Variants in DLC1 observed in about 807,000 individuals in gnomAD.
DLC1 encodes the protein DLC1 Rho GTPase activating protein.
DLC1 carries 54 observed loss-of-function variants against 140.3 expected under a neutral mutation model. The observed-to-expected ratio is 0.38, with a 90% CI of 0.31 to 0.48. The LOEUF (loss-of-function observed/expected upper bound fraction) is 0.48, where lower values mean the gene tolerates loss of function less well. Among genes scored for constraint, DLC1 ranks in the 20% least tolerant of loss-of-function variants. The pLI, the probability that DLC1 is intolerant of heterozygous loss-of-function variation, is 0.96. For synonymous variants in DLC1, 986 were observed against 728.1 expected (o/e 1.35, Z -5.70); for missense variants, 2,536 against 1,907.0 (o/e 1.33, Z -6.14).
chr8:13,464,030 C>T (rs1157374564), intron 2 of DLC1, among the ~76,000 whole-genome samples: 1 of 152,124 alleles, frequency 6.6e-6, no homozygotes, highest in African/African-American at 2.4e-5. Flanking sequence ...AGGAAAGACT[C>T]AAGATATAGG....
At chr8:13,581,713 A>T (rs1805105422) in intron 1 of DLC1, among the ~76,000 whole-genome samples, 1 of 152,204 alleles carries the variant, frequency 6.6e-6, no homozygotes, top group Non-Finnish European at 1.5e-5. Flanking sequence ...GCATCAGATT[A>T]CTGGGCAGAA....
At chr8:13,486,550 C>T (rs191358115) in intron 2 of DLC1, among the ~76,000 whole-genome samples, 6 of 152,230 alleles carry the variant, frequency 3.9e-5, no homozygotes, top group African/African-American at 7.2e-5. Flanking sequence ...ACTGGTACCA[C>T]GACATACCAC....
intron 2 of DLC1, among the ~76,000 whole-genome samples, chr8:13,467,462 T>TTC (rs1799992358): frequency 6.6e-6 from 1 of 151,828 alleles, no homozygotes. Flanking sequence ...CCTTTTTTTT[T>TTC]CTTTTTAATG....
chr8:13,104,913 G>T (rs570445922), intron 7 of DLC1, among the ~76,000 whole-genome samples: 1 of 152,170 alleles, frequency 6.6e-6, no homozygotes, highest in African/African-American at 2.4e-5. Flanking sequence ...CTCTATTGGG[G>T]GTATCAATTA....
chr8:13,456,279 T>C (rs1269987047), intron 2 of DLC1, among the ~76,000 whole-genome samples: 1 of 152,182 alleles, frequency 6.6e-6, no homozygotes, highest in Non-Finnish European at 1.5e-5. Context: ...TCAATTATTT[T>C]TGCTTTCACA....
intron 5 of DLC1, among the ~76,000 whole-genome samples, chr8:13,234,054 A>C (rs965056133): frequency 6.6e-6 from 1 of 152,140 alleles, no homozygotes. Context: ...TGAACTATCT[A>C]GTGTCTTGTT....
At chr8:13,271,586 T>C (rs976641715) in intron 5 of DLC1, among the ~76,000 whole-genome samples, 2 of 152,250 alleles carry the variant, frequency 1.3e-5, no homozygotes, top group African/African-American at 4.8e-5. Context: ...TTATTTTATG[T>C]CTGTTGACTC....
chr8:13,479,290 A>G (rs1300671358), intron 2 of DLC1, among the ~76,000 whole-genome samples: 1 of 152,244 alleles, frequency 6.6e-6, no homozygotes, highest in Non-Finnish European at 1.5e-5. Context: ...GAATAATAAA[A>G]TGGATATATC....
intron 1 of DLC1, among the ~76,000 whole-genome samples, chr8:13,584,815 C>A (rs750826351): frequency 1.3e-5 from 2 of 152,162 alleles, no homozygotes; most frequent in Non-Finnish European, 2.9e-5. Context: ...CACCCAGGCT[C>A]TTCCTACCCA....
At chr8:13,391,353 C>G (rs1262125672) in intron 4 of DLC1, among the ~76,000 whole-genome samples, 1 of 152,180 alleles carries the variant, frequency 6.6e-6, no homozygotes, top group Admixed American at 6.5e-5. Context: ...TGACAAGTCA[C>G]ACCTGAACAG....
At chr8:13,564,690 AT>A (rs1440973876) in intron 1 of DLC1, among the ~76,000 whole-genome samples, 4 of 152,176 alleles carry the variant, frequency 2.6e-5, no homozygotes, top group Non-Finnish European at 4.4e-5. Flanking sequence ...GGAATCATGA[AT>A]TTGTTTTGAC....
intron 2 of DLC1, among the ~76,000 whole-genome samples, chr8:13,445,059 G>T (rs1329521381): frequency 6.6e-6 from 1 of 152,068 alleles, no homozygotes; most frequent in Non-Finnish European, 1.5e-5. Flanking sequence ...GAGGGAAGCA[G>T]AGAGACACAG....
chr8:13,316,517 T>C (rs1418767085), intron 4 of DLC1, among the ~76,000 whole-genome samples: 1 of 152,178 alleles, frequency 6.6e-6, no homozygotes, highest in African/African-American at 2.4e-5. Context: ...ACGCTTTATA[T>C]GGATTCCATC....
intron 5 of DLC1, among the ~76,000 whole-genome samples, chr8:13,159,856 T>TA (rs1563121960): frequency 5.7e-4 from 82 of 144,052 alleles, no homozygotes; most frequent in African/African-American, 1.9e-3. Flanking sequence ...AAACCTGGTT[T>TA]GAAAAAAAAA....
chr8:13,294,818 T>C (rs113830512), intron 5 of DLC1, among the ~76,000 whole-genome samples: 14 of 152,282 alleles, frequency 9.2e-5, no homozygotes, highest in African/African-American at 3.1e-4. Context: ...AGTGTGACTT[T>C]GGGTATCTTA....
chr8:13,264,640 G>A (rs377371520), intron 5 of DLC1, among the ~76,000 whole-genome samples: 2 of 152,256 alleles, frequency 1.3e-5, no homozygotes, highest in South Asian at 4.1e-4. Context: ...ACACGGGGCT[G>A]TAACAGCAAC....
intron 2 of DLC1, among the ~76,000 whole-genome samples, chr8:13,442,706 C>T (rs1397228889): frequency 6.6e-6 from 1 of 152,180 alleles, no homozygotes; most frequent in East Asian, 1.9e-4. Context: ...CAGGAAACAA[C>T]AGTGCTGGAG....
chr8:13,374,195 G>A (rs1416044773), intron 4 of DLC1, among the ~76,000 whole-genome samples: 1 of 152,204 alleles, frequency 6.6e-6, no homozygotes, highest in Non-Finnish European at 1.5e-5. Flanking sequence ...CAGTGGCTGT[G>A]TAGTTTGCTA....
In DLC1 at chr8:13,416,119, C is replaced by T. The variant is rs1838044869; in HGVS notation, c.1024-14500G>A. On this transcript the variant is annotated intron_variant, in intron 2 of 17. Coordinates refer to ENST00000276297, the MANE Select transcript of DLC1 (RefSeq NM_182643.3). ...GTTCAGTGACAGGTGTACCCATGTA[C>T]CCTGATGCTGGCGTCTAGGGGTCCC... Among the ~76,000 whole-genome samples, 3 of 152,172 alleles carry T rather than the reference C, an allele frequency of 2.0e-5. 1 individual carries two copies. Among genetic ancestry groups the T allele is most frequent in the Non-Finnish European group, 4.4e-5 (3 of 68,034 alleles).
Sources: allele counts gnomAD v4.1 joint callset (sites outside exome capture counted in the v4.1 genomes callset), GRCh38; gene constraint gnomAD v4.1.1; transcripts MANE v1.5; gene names NCBI Gene and HGNC (gene_info 2026-07-23, HGNC 2026-07-21).